The following CLN6 variants were observed in gnomAD, a reference collection of about 807,000 sequenced individuals.
The protein encoded by CLN6 is CLN6 transmembrane ER protein.
Under a neutral mutation model 33.3 loss-of-function variants are expected in CLN6, and 22 were observed. The ratio of observed to expected loss-of-function variants is 0.66; its 90% CI spans 0.47 to 0.94. The LOEUF is 0.94. Among genes scored for constraint, CLN6 ranks in the 40% least tolerant of loss-of-function variants. CLN6 has a pLI of 0.00. For missense variants in CLN6, 387 were observed against 417.1 expected (o/e 0.93, Z 0.63); for synonymous variants, 201 against 174.6 (o/e 1.15, Z -1.19).
rs759592282 is a variant in CLN6 at position 68,211,237 on chromosome 15, G to C, written c.542+26C>G. On this transcript the variant is annotated intron_variant, in intron 5 of 6. Coordinates refer to ENST00000249806, the MANE Select transcript of CLN6 (RefSeq NM_017882.3). This position sits in a 1 kb window ranked among gnomAD's most constrained non-coding sequence, Gnocchi z 5.9. The stretch of plus-strand genomic sequence containing the variant: ...GCTAGCCGGTAGTTGGGGCCCCTGG[G>C]ATAGACAGATGGGCCCATCACTCAC... 1.1e-5 allele frequency: 18 copies of C among 1,611,476 alleles called. No homozygotes were observed. In the Middle Eastern group the frequency reaches 5.0e-4, roughly 44 times the overall value.
Position 68,246,377 on chromosome 15 carries a change from C to A in CLN6, c.179+10313G>T, listed in dbSNP as rs72741135. Among the ~76,000 whole-genome samples, 54 of 152,118 alleles carry A rather than the reference C, an allele frequency of 3.5e-4. No homozygotes were observed. Among genetic ancestry groups the A allele is most frequent in the Admixed American group, 9.2e-4 (14 of 15,264 alleles). Reference sequence around the variant, plus strand: ...AAATTATATCAAATATATTTTCTGGCCACAATGGAATAAAACTGGAAATCA... The same window carrying A: ...AAATTATATCAAATATATTTTCTGGACACAATGGAATAAAACTGGAAATCA... On this transcript the variant is annotated intron_variant, in intron 1 of 6. Transcript: ENST00000538696. This position sits in a 1 kb window ranked among gnomAD's most constrained non-coding sequence, Gnocchi z 4.5.
upstream of CLN6, among the ~76,000 whole-genome samples, chr15:68,232,501 C>T (rs117983188): frequency 5.8e-4 from 88 of 152,242 alleles, 2 homozygotes; most frequent in East Asian, 0.013. The surrounding 1 kb of genome is among the most constrained non-coding windows in gnomAD (Gnocchi z 4.7). Flanking sequence ...CCGTTAGACA[C>T]ACCAGTCTTC....
chr15:68,249,545 A>T (rs1892357249), intron 1 of CLN6, among the ~76,000 whole-genome samples: 1 of 152,356 alleles, frequency 6.6e-6, no homozygotes, highest in Non-Finnish European at 1.5e-5. Context: ...ACTGGAGATC[A>T]TTATGTTGAA....
rs1300387383 is a variant in CLN6, at chr15:68,242,527, G to T, written c.179+14163C>A. ...CAGAACTTACTTAAATAAATAATAAGGAGACTCCATCTCAAAATAAATAAA... is the reference window on the plus strand; with the variant it reads ...CAGAACTTACTTAAATAAATAATAATGAGACTCCATCTCAAAATAAATAAA... On this transcript the variant is annotated intron_variant, in intron 1 of 6. Coordinates refer to the CLN6 transcript ENST00000538696. The surrounding 1 kb of genome is among the most constrained non-coding windows in gnomAD (Gnocchi z 5.0). 6.6e-6 allele frequency among the ~76,000 whole-genome samples: 1 copy of T among 151,066 alleles called. No individual in the cohort carries two copies. The highest frequency in any genetic ancestry group is 1.5e-5 in the Non-Finnish European group (1 of 67,578).
upstream of CLN6, chr15:68,229,813 C>T (rs1438138792): frequency 5.7e-6 from 1 of 176,288 alleles, no homozygotes; most frequent in Non-Finnish European, 1.0e-5. Flanking sequence ...GCGGGCTCCG[C>T]TAGGGGAGGG....
rs1335017785 is a variant in CLN6 at position 68,241,687 on chromosome 15, CAG to C, written c.179+15001_179+15002del. On this transcript the variant is annotated intron_variant, in intron 1 of 6. Transcript: ENST00000538696. The surrounding 1 kb of genome is among the most constrained non-coding windows in gnomAD (Gnocchi z 4.2). ...AACTCGGCCAAAGAAGACACCAAATCAGAGTGGCTGTTAGCAGCACCACACTG... is the reference window on the plus strand; with the variant it reads ...AACTCGGCCAAAGAAGACACCAAATCAGTGGCTGTTAGCAGCACCACACTG... 6.6e-6 allele frequency among the ~76,000 whole-genome samples: 1 copy of C among 152,182 alleles called. No homozygotes were observed. Among genetic ancestry groups the C allele is most frequent in the African/African-American group, 2.4e-5 (1 of 41,456 alleles).
chr15:68,230,344 C>T (rs2093266338), upstream of CLN6, among the ~76,000 whole-genome samples: 1 of 152,062 alleles, frequency 6.6e-6, no homozygotes, highest in Non-Finnish European at 1.5e-5. The surrounding 1 kb of genome is among the most constrained non-coding windows in gnomAD (Gnocchi z 4.0). Flanking sequence ...AATAAAGATT[C>T]ATCTTTGAAC....
upstream of CLN6, among the ~76,000 whole-genome samples, chr15:68,234,614 C>G (rs1256003008): frequency 1.3e-5 from 2 of 152,210 alleles, no homozygotes; most frequent in Non-Finnish European, 2.9e-5. This position sits in a 1 kb window ranked among gnomAD's most constrained non-coding sequence, Gnocchi z 4.1. Context: ...CTCTGCTAGC[C>G]CGTTCCCCTC....
intron 3 of CLN6, chr15:68,213,926 T>C: frequency 3.5e-6 from 1 of 286,316 alleles, no homozygotes; most frequent in Non-Finnish European, 6.9e-6. Context: ...AGTGGGTCCT[T>C]GACCTCTCCC....
rs559620662 is a variant in CLN6 at position 68,208,406 on chromosome 15, G to C, written c.670C>G (p.Leu224Val). ...ATGAAGATCTGGCCCTCGGTGACCAGGTACCTGGAAAGGCCAGGGGTGAGT... is the reference window on the plus strand; with the variant it reads ...ATGAAGATCTGGCCCTCGGTGACCACGTACCTGGAAAGGCCAGGGGTGAGT... ...VAPSGLYYWY[L>V]VTEGQIFILF... The change falls in exon 7 of 7, where the codon CTG (leucine) becomes GTG (valine). Residue 224 changes from leucine to valine, a missense_variant. Coordinates refer to ENST00000249806, the MANE Select transcript of CLN6 (RefSeq NM_017882.3). This position sits in a 1 kb window ranked among gnomAD's most constrained non-coding sequence, Gnocchi z 5.8. 6.2e-7 allele frequency: 1 copy of C among 1,612,596 alleles called. No individual in the cohort carries two copies. Among genetic ancestry groups the C allele is most frequent in the Non-Finnish European group, 8.5e-7 (1 of 1,180,014 alleles).
chr15:68,248,998 A>G (rs945397953), intron 1 of CLN6, among the ~76,000 whole-genome samples: 2 of 152,360 alleles, frequency 1.3e-5, no homozygotes, highest in Admixed American at 6.5e-5. Context: ...AAAAAATTCA[A>G]TTAAAAAATG....
rs1892344844 is a variant in CLN6, at chr15:68,248,153, C to CAGAACAG, written c.179+8530_179+8536dup. On this transcript the variant is annotated intron_variant, in intron 1 of 6. Coordinates refer to the CLN6 transcript ENST00000538696. Reference sequence around the variant, plus strand: ...AAAACAGACACATAGACTAATGGAACAGAACAGAGAATCCAGATATAAATA... The same window carrying CAGAACAG: ...AAAACAGACACATAGACTAATGGAACAGAACAGAGAACAGAGAATCCAGATATAAATA... Among the ~76,000 whole-genome samples, 6 of 151,960 alleles carry CAGAACAG rather than the reference C, an allele frequency of 3.9e-5. No homozygotes were observed. In the South Asian group the frequency reaches 1.0e-3, roughly 26 times the overall value.
At position 68,210,900 on chromosome 15, in the gene CLN6, G is replaced by A. The variant is rs555799309; in HGVS notation, c.542+363C>T. ...CACCCCCTGCCATCACCATCTGGGGGTTGTTTATCAGGGACGCGTCCTCCT... is the reference window on the plus strand; with the variant it reads ...CACCCCCTGCCATCACCATCTGGGGATTGTTTATCAGGGACGCGTCCTCCT... On this transcript the variant is annotated intron_variant, in intron 5 of 6. Coordinates refer to ENST00000249806, the MANE Select transcript of CLN6 (RefSeq NM_017882.3). The surrounding 1 kb of genome is among the most constrained non-coding windows in gnomAD (Gnocchi z 5.6). 1.3e-5 allele frequency among the ~76,000 whole-genome samples: 2 copies of A among 152,302 alleles called. No homozygotes were observed. The highest frequency in any genetic ancestry group is 3.9e-4 in the East Asian group (2 of 5,164).
intron 2 of CLN6, chr15:68,215,176 G>C (rs538937174): frequency 6.6e-6 from 1 of 152,304 alleles, no homozygotes; most frequent in African/African-American, 2.4e-5. Context: ...TTTCAAGGAA[G>C]GATTTAGATG....
chr15:68,231,517 G>A (rs904210704), upstream of CLN6, among the ~76,000 whole-genome samples: 1 of 152,224 alleles, frequency 6.6e-6, no homozygotes, highest in South Asian at 2.1e-4. Flanking sequence ...AAGGATTGAG[G>A]CTTCCCGCTC....
At chr15:68,226,384 C>T (rs1595825433) in intron 1 of CLN6, among the ~76,000 whole-genome samples, 3 of 152,072 alleles carry the variant, frequency 2.0e-5, no homozygotes, top group South Asian at 2.1e-4. Flanking sequence ...AGCTCTGCCA[C>T]TAACCAGATC....
intron 1 of CLN6, among the ~76,000 whole-genome samples, chr15:68,251,156 A>T (rs911852050): frequency 6.6e-6 from 1 of 152,240 alleles, no homozygotes; most frequent in African/African-American, 2.4e-5. Context: ...TCAAATCCAT[A>T]ACTTTAGTCC....
intron 1 of CLN6, among the ~76,000 whole-genome samples, chr15:68,245,482 C>T (rs1892321602): frequency 6.6e-6 from 1 of 152,008 alleles, no homozygotes; most frequent in Non-Finnish European, 1.5e-5. Flanking sequence ...GGAGGATCAC[C>T]TGAGTCGAGG....
chr15:68,214,793 C>T (rs1218038539), intron 2 of CLN6: 4 of 310,072 alleles, frequency 1.3e-5, no homozygotes, highest in Non-Finnish European at 2.5e-5. Flanking sequence ...GCCTTGGTTT[C>T]CCCATCTATA....
Sources: allele counts gnomAD v4.1 joint callset (sites outside exome capture counted in the v4.1 genomes callset), GRCh38; gene constraint gnomAD v4.1.1; non-coding constraint Gnocchi (gnomAD v3.1); transcripts MANE v1.5; gene names NCBI Gene and HGNC (gene_info 2026-07-23, HGNC 2026-07-21).